The following DEPDC5 variants were observed in gnomAD, a reference collection of about 807,000 sequenced individuals.
DEPDC5 encodes GATOR1 complex protein DEPDC5.
In DEPDC5, 73 loss-of-function variants were observed where a neutral mutation model predicts 217.3. That is an observed-to-expected ratio of 0.34 (90% CI 0.28 to 0.41). The LOEUF is 0.41. Among genes scored for constraint, DEPDC5 ranks in the 10% least tolerant of loss-of-function variants. DEPDC5 has a pLI of 1.00. For missense variants in DEPDC5, 1,675 were observed against 2,070.1 expected, an observed-to-expected ratio of 0.81 and a Z score of 3.70; for synonymous variants, 733 against 756.7, an observed-to-expected ratio of 0.97 and a Z score of 0.51.
At chr22:31,850,171 T>C (rs2091952794) in intron 31 of DEPDC5, among the ~76,000 whole-genome samples, 1 of 152,152 alleles carries the variant, frequency 6.6e-6, no homozygotes, top group Admixed American at 6.5e-5. Flanking sequence ...AGATTCCATA[T>C]AAAAATCTGG....
At chr22:31,757,762 TTTTA>T (rs1405654896) in intron 2 of DEPDC5, among the ~76,000 whole-genome samples, 4 of 152,098 alleles carry the variant, frequency 2.6e-5, no homozygotes, top group African/African-American at 9.7e-5. Flanking sequence ...ATCCCTCTTA[TTTTA>T]TTTATTTATT....
intron 7 of DEPDC5, among the ~76,000 whole-genome samples, chr22:31,770,634 T>G (rs2083265947): frequency 6.6e-6 from 1 of 150,820 alleles, no homozygotes; most frequent in South Asian, 2.1e-4. Context: ...CCTCGTGATC[T>G]GCCCACCTTC....
At chr22:31,888,804 C>T (rs2093374412) in intron 38 of DEPDC5, among the ~76,000 whole-genome samples, 1 of 152,212 alleles carries the variant, frequency 6.6e-6, no homozygotes, top group South Asian at 2.1e-4. Context: ...CCTCGGCCTC[C>T]CAAAGTGCTA....
intron 7 of DEPDC5, among the ~76,000 whole-genome samples, chr22:31,771,496 CAGATCACG>C (rs1244440296): frequency 1.3e-5 from 2 of 151,408 alleles, no homozygotes; most frequent in Admixed American, 6.6e-5. Context: ...CTGAGGCAGG[CAGATCACG>C]AGATCAGGAG....
intron 24 of DEPDC5, among the ~76,000 whole-genome samples, chr22:31,829,258 G>A (rs890540912): frequency 4.6e-5 from 7 of 152,144 alleles, no homozygotes; most frequent in Admixed American, 6.5e-5. Context: ...GAAGACTGGC[G>A]CGGTGTCTGA....
At chr22:31,871,244 G>A (rs1033866347) in intron 34 of DEPDC5, among the ~76,000 whole-genome samples, 5 of 152,172 alleles carry the variant, frequency 3.3e-5, no homozygotes, top group African/African-American at 1.2e-4. Context: ...CTGAGAAACC[G>A]TTTTATTTTC....
intron 22 of DEPDC5, among the ~76,000 whole-genome samples, chr22:31,820,261 A>G (rs1409159203): frequency 6.6e-6 from 1 of 151,978 alleles, no homozygotes; most frequent in Admixed American, 6.6e-5. Flanking sequence ...ACAGGCATAC[A>G]TCACCACACC....
intron 31 of DEPDC5, among the ~76,000 whole-genome samples, chr22:31,850,938 C>A (rs5998142): frequency 0.14 from 21,805 of 151,898 alleles, 2,042 homozygotes; most frequent in African/African-American, 0.26. Context: ...CATGGTGGCA[C>A]GTACCTGTAG....
At chr22:31,815,939 T>G (rs2089049037) in intron 21 of DEPDC5, 1 of 1,001,306 alleles carries the variant, frequency 1.0e-6, no homozygotes. Flanking sequence ...TCAAAAGGGT[T>G]TATTTCCTTA....
Position 31,837,001 on chromosome 22 carries a change from C to A in DEPDC5, c.2200C>A (p.Pro734Thr). 1 of 1,613,992 alleles carries A rather than the reference C, an allele frequency of 6.2e-7. No homozygotes were observed. Among genetic ancestry groups the A allele is most frequent in the Non-Finnish European group, 8.5e-7 (1 of 1,179,974 alleles). ...ILTLSAPPVVPGFCCTVGVDW... is the reference protein window; with the variant it reads ...ILTLSAPPVVTGFCCTVGVDW... ...GACACTGTCTGCTCCCCCTGTAGTGCCAGGCTTCTGTTGCACAGTTGGAGT... is the reference window on the plus strand; with the variant it reads ...GACACTGTCTGCTCCCCCTGTAGTGACAGGCTTCTGTTGCACAGTTGGAGT... Residue 734 changes from proline (P) to threonine (T), a missense_variant, in exon 26 of 43, where the codon CCA (proline) becomes ACA (threonine). Physicochemically the swap from Pro to Thr is conservative, Grantham distance 38 (BLOSUM62 -1). Coordinates refer to ENST00000651528, the MANE Select transcript of DEPDC5 (RefSeq NM_001242896.3).
intron 18 of DEPDC5, among the ~76,000 whole-genome samples, chr22:31,809,175 G>A (rs2148694198): frequency 6.6e-6 from 1 of 152,286 alleles, no homozygotes; most frequent in East Asian, 1.9e-4. Context: ...CAAATTGGGT[G>A]ATATACAGAG....
chr22:31,760,769 T>C (rs1190227259), intron 4 of DEPDC5, 67 bp downstream of exon 4: 2 of 1,348,424 alleles, frequency 1.5e-6, no homozygotes, highest in Non-Finnish European at 2.1e-6. Context: ...GAAATCTCTC[T>C]TCATAATTTC....
chr22:31,868,216 C>A (rs1354570476), intron 33 of DEPDC5, among the ~76,000 whole-genome samples: 21 of 151,994 alleles, frequency 1.4e-4, no homozygotes, highest in Admixed American at 1.4e-3. Context: ...GGAACTTTAC[C>A]CCCCAAGGGA....
intron 40 of DEPDC5, among the ~76,000 whole-genome samples, chr22:31,900,187 C>A (rs1253637054): frequency 3.9e-5 from 6 of 151,982 alleles, no homozygotes; most frequent in African/African-American, 1.4e-4. Context: ...CCTGGGATTA[C>A]AGGCATGTGG....
chr22:31,827,998 A>G (rs149314397), intron 24 of DEPDC5, among the ~76,000 whole-genome samples: 12 of 152,300 alleles, frequency 7.9e-5, no homozygotes, highest in East Asian at 1.9e-4. Flanking sequence ...CTGAATTGCC[A>G]TATTTTACTT....
chr22:31,870,285 A>G (rs1328389015), intron 33 of DEPDC5, among the ~76,000 whole-genome samples: 1 of 151,978 alleles, frequency 6.6e-6, no homozygotes, highest in Non-Finnish European at 1.5e-5. Flanking sequence ...TGCTGAAGCG[A>G]TTTCTTTGGT....
At chr22:31,839,108 C>T (rs1361674926) in intron 27 of DEPDC5, among the ~76,000 whole-genome samples, 1 of 152,156 alleles carries the variant, frequency 6.6e-6, no homozygotes, top group Non-Finnish European at 1.5e-5. Context: ...TGGACAGACA[C>T]CTGGGAATAG....
At chr22:31,875,113 C>T (rs948885334) in intron 36 of DEPDC5, 18 of 163,068 alleles carry the variant, frequency 1.1e-4, no homozygotes, top group African/African-American at 4.3e-4. Flanking sequence ...AGTACTGTTT[C>T]CTTACCAGCT....
At chr22:31,867,142 G>T (rs1432475543) in intron 33 of DEPDC5, among the ~76,000 whole-genome samples, 1 of 152,064 alleles carries the variant, frequency 6.6e-6, no homozygotes, top group Admixed American at 6.6e-5. Flanking sequence ...AGGAATCTAC[G>T]TGCGACATCT....
Sources: allele counts gnomAD v4.1 joint callset (sites outside exome capture counted in the v4.1 genomes callset), GRCh38; gene constraint gnomAD v4.1.1; transcripts MANE v1.5; gene names NCBI Gene and HGNC (gene_info 2026-07-23, HGNC 2026-07-21).